The following SMARCC1 variants were observed in gnomAD, a reference collection of about 807,000 sequenced individuals.
SMARCC1 encodes SWI/SNF complex subunit SMARCC1.
In SMARCC1, 43 loss-of-function variants were observed where a neutral mutation model predicts 147.4. The ratio of observed to expected loss-of-function variants is 0.29; its 90% CI spans 0.23 to 0.38. The LOEUF (loss-of-function observed/expected upper bound fraction) is 0.38. Ranked by LOEUF, SMARCC1 falls within the 10% of genes least tolerant of loss-of-function variation. SMARCC1 has a pLI of 1.00. For missense variants in SMARCC1, 1,119 were observed against 1,381.1 expected (o/e 0.81, Z 3.01); for synonymous variants, 495 against 484.4 (o/e 1.02, Z -0.29).
At chr3:47,654,123 A>G (rs1220708523) in intron 21 of SMARCC1, among the ~76,000 whole-genome samples, 1 of 152,254 alleles carries the variant, frequency 6.6e-6, no homozygotes, top group East Asian at 1.9e-4. Flanking sequence ...CAAAACATAC[A>G]TGTAAAAACA....
chr3:47,734,892 G>A (rs180987347), intron 5 of SMARCC1, among the ~76,000 whole-genome samples: 2 of 152,112 alleles, frequency 1.3e-5, no homozygotes, highest in Non-Finnish European at 2.9e-5. Flanking sequence ...CCAGTAGCTG[G>A]GACTACAGTG....
At chr3:47,779,603 T>C (rs1219712133) in intron 1 of SMARCC1, among the ~76,000 whole-genome samples, 1 of 152,170 alleles carries the variant, frequency 6.6e-6, no homozygotes, top group Non-Finnish European at 1.5e-5. Flanking sequence ...AGCCTAGTGG[T>C]CTCAATACTG....
intron 24 of SMARCC1, among the ~76,000 whole-genome samples, chr3:47,627,282 T>C (rs1223719513): frequency 6.6e-6 from 1 of 151,722 alleles, no homozygotes; most frequent in Non-Finnish European, 1.5e-5. Flanking sequence ...ATCTTTATTA[T>C]CTAGTAGCAC....
intron 18 of SMARCC1, among the ~76,000 whole-genome samples, chr3:47,673,379 C>T (rs1254682680): frequency 9.4e-6 from 1 of 106,868 alleles, no homozygotes; most frequent in Non-Finnish European, 1.7e-5. Context: ...GAGCGAGACT[C>T]TGTCTCAAAA....
intron 3 of SMARCC1, among the ~76,000 whole-genome samples, chr3:47,743,481 CG>C (rs2034532349): frequency 6.6e-6 from 1 of 151,746 alleles, no homozygotes; most frequent in South Asian, 2.1e-4. Flanking sequence ...CTGTATTACA[CG>C]TATCTTTCTA....
rs1197292412 is a variant in SMARCC1 at position 47,676,676 on chromosome 3, C to A, written c.1678G>T (p.Ala560Ser). The change falls in exon 17 of 28, where the codon GCT (alanine) becomes TCT (serine). Residue 560 changes from alanine (A) to serine (S), a missense_variant. Around this residue, in one of 6 missense-constraint regions of SMARCC1, gnomAD observed 178 missense variants for 264.6 expected, o/e 0.67. Coordinates refer to ENST00000254480, the MANE Select transcript of SMARCC1 (RefSeq NM_003074.4). ...PPPTPHFNVL[A>S]DTPSGLVPLH... ...GGCACAAGCCCAGAGGGGGTATCAG[C>A]TAATACATTAAAATGAGGAGTAGGA... 2.4e-5 allele frequency: 39 copies of A among 1,613,734 alleles called. No homozygotes were observed. Among genetic ancestry groups the A allele is most frequent in the South Asian group, 3.3e-5 (3 of 91,080 alleles).
At chr3:47,640,698 GAA>G (rs2033037219) in intron 21 of SMARCC1, among the ~76,000 whole-genome samples, 1 of 152,012 alleles carries the variant, frequency 6.6e-6, no homozygotes, top group Non-Finnish European at 1.5e-5. Context: ...CTAGAGAATA[GAA>G]AAAGAGGGAA....
At chr3:47,632,887 G>A (rs1317946370) in intron 24 of SMARCC1, among the ~76,000 whole-genome samples, 2 of 151,832 alleles carry the variant, frequency 1.3e-5, no homozygotes, top group African/African-American at 2.4e-5. Flanking sequence ...AGATAGGGAG[G>A]TTACTGAAGA....
At chr3:47,658,991 G>A (rs1480403613) in intron 21 of SMARCC1, among the ~76,000 whole-genome samples, 1 of 151,834 alleles carries the variant, frequency 6.6e-6, no homozygotes, top group East Asian at 1.9e-4. Flanking sequence ...TGTGGCACAA[G>A]CCTGTAGTCC....
At chr3:47,685,633 G>A (rs2033711858) in intron 14 of SMARCC1, among the ~76,000 whole-genome samples, 1 of 151,064 alleles carries the variant, frequency 6.6e-6, no homozygotes, top group South Asian at 2.1e-4. Flanking sequence ...GCTGAAGCAG[G>A]TGGATCACGA....
intron 17 of SMARCC1, 88 bp from the exon 18 acceptor site, chr3:47,675,676 C>T (rs1027601531): frequency 2.6e-5 from 18 of 681,148 alleles, no homozygotes; most frequent in Admixed American, 4.3e-5. Context: ...GGCCAGGCGC[C>T]GTGGCTCACA....
chr3:47,599,488 A>T (rs897019158), intron 26 of SMARCC1, among the ~76,000 whole-genome samples: 1 of 152,230 alleles, frequency 6.6e-6, no homozygotes, highest in Non-Finnish European at 1.5e-5. Context: ...CAATCCCCAT[A>T]ACAACACTAT....
chr3:47,650,296 A>AT (rs71619690), intron 21 of SMARCC1, among the ~76,000 whole-genome samples: 6,675 of 141,966 alleles, frequency 0.047, 184 homozygotes, highest in Middle Eastern at 0.08. Flanking sequence ...AATAATAATA[A>AT]TAATTATTAT....
chr3:47,766,858 G>A (rs1018776593), intron 2 of SMARCC1, among the ~76,000 whole-genome samples: 21 of 151,980 alleles, frequency 1.4e-4, no homozygotes, highest in Admixed American at 3.3e-4. Context: ...CCAGCTGTCC[G>A]ACATCCAGCA....
intron 26 of SMARCC1, among the ~76,000 whole-genome samples, chr3:47,596,982 T>G (rs1284173618): frequency 6.7e-6 from 1 of 149,376 alleles, no homozygotes; most frequent in African/African-American, 2.5e-5. Context: ...GATGACGAGG[T>G]CAGGCATTTG....
chr3:47,612,395 T>C (rs1358354730), intron 25 of SMARCC1, among the ~76,000 whole-genome samples: 1 of 152,202 alleles, frequency 6.6e-6, no homozygotes, highest in African/African-American at 2.4e-5. Context: ...AGTCCTACTG[T>C]TATGTAAGAA....
chr3:47,610,540 C>T (rs1250473699), intron 25 of SMARCC1: 1 of 591,228 alleles, frequency 1.7e-6, no homozygotes, highest in Non-Finnish European at 3.0e-6. Flanking sequence ...TCAAAGTCTT[C>T]TCCATGTTGA....
At chr3:47,705,522 C>T (rs2033981668) in intron 10 of SMARCC1, among the ~76,000 whole-genome samples, 1 of 151,998 alleles carries the variant, frequency 6.6e-6, no homozygotes, top group African/African-American at 2.4e-5. Flanking sequence ...CTAAAGACTT[C>T]TATTAGTAAG....
intron 25 of SMARCC1, among the ~76,000 whole-genome samples, chr3:47,613,920 T>TGTC (rs1424659534): frequency 2.0e-5 from 3 of 146,910 alleles, no homozygotes; most frequent in Admixed American, 1.4e-4. Flanking sequence ...CAGACACAGC[T>TGTC]GCAAGTGCAG....
Sources: allele counts gnomAD v4.1 joint callset (sites outside exome capture counted in the v4.1 genomes callset), GRCh38; gene constraint gnomAD v4.1.1; regional missense constraint gnomAD v4.1.1; transcripts MANE v1.5; gene names NCBI Gene and HGNC (gene_info 2026-07-23, HGNC 2026-07-21).